PTPRG: variants seen among roughly 807,000 people sequenced by gnomAD.
PTPRG encodes the protein protein tyrosine phosphatase receptor type G.
PTPRG carries 102 observed loss-of-function variants against 165.3 expected under a neutral mutation model. The observed-to-expected ratio is 0.62, with a 90% CI of 0.53 to 0.73. PTPRG has a LOEUF of 0.73. Among genes scored for constraint, PTPRG ranks in the 30% least tolerant of loss-of-function variants. PTPRG has a pLI of 0.00. For missense variants in PTPRG, 1,866 were observed against 1,861.4 expected (o/e 1.00, Z -0.05); for synonymous variants, 675 against 669.5 (o/e 1.01, Z -0.13).
intron 2 of PTPRG, among the ~76,000 whole-genome samples, chr3:61,820,733 G>A (rs2035929649): frequency 6.6e-6 from 1 of 151,352 alleles, no homozygotes; most frequent in Admixed American, 6.6e-5. Context: ...GCGCCTGGCT[G>A]CTGGGGATTG....
intron 5 of PTPRG, among the ~76,000 whole-genome samples, chr3:62,090,175 A>G (rs1701881463): frequency 6.6e-6 from 1 of 152,190 alleles, no homozygotes; most frequent in Non-Finnish European, 1.5e-5. Flanking sequence ...TGGATAATTC[A>G]CTTCCAGGGA....
At chr3:61,746,346 A>G (rs1005470355) in intron 1 of PTPRG, among the ~76,000 whole-genome samples, 1 of 150,878 alleles carries the variant, frequency 6.6e-6, no homozygotes, top group Non-Finnish European at 1.5e-5. Flanking sequence ...AGCTGGGGCT[A>G]CAGGTGCCGC....
chr3:62,080,967 A>G (rs553332030), intron 5 of PTPRG, among the ~76,000 whole-genome samples: 4 of 152,310 alleles, frequency 2.6e-5, no homozygotes, highest in African/African-American at 9.6e-5. Context: ...AAAATAGAAC[A>G]TAATTAGAGG....
intron 1 of PTPRG, among the ~76,000 whole-genome samples, chr3:61,669,247 C>G (rs1301850733): frequency 2.0e-5 from 3 of 151,912 alleles, no homozygotes; most frequent in Admixed American, 1.3e-4. Flanking sequence ...GGCCTCATTT[C>G]CAGTGGGGTT....
At chr3:61,775,694 T>C (rs1211834067) in intron 2 of PTPRG, among the ~76,000 whole-genome samples, 2 of 151,962 alleles carry the variant, frequency 1.3e-5, no homozygotes, top group African/African-American at 4.8e-5. Context: ...CCAACAATGA[T>C]AGACTGGATT....
At chr3:61,933,957 A>G (rs1252641202) in intron 2 of PTPRG, among the ~76,000 whole-genome samples, 2 of 152,206 alleles carry the variant, frequency 1.3e-5, no homozygotes, top group East Asian at 1.9e-4. Flanking sequence ...TCCTCTCTGC[A>G]AGTGAGCCAC....
chr3:61,968,140 A>G (rs1313915669), intron 2 of PTPRG, among the ~76,000 whole-genome samples: 2 of 152,244 alleles, frequency 1.3e-5, no homozygotes, highest in East Asian at 3.8e-4. Context: ...CATTTTGGCC[A>G]TAAACAAGTA....
At chr3:61,794,658 C>G (rs1166366283) in intron 2 of PTPRG, among the ~76,000 whole-genome samples, 1 of 152,168 alleles carries the variant, frequency 6.6e-6, no homozygotes, top group Non-Finnish European at 1.5e-5. Flanking sequence ...AAACATGGAA[C>G]ATTCCCTTAT....
intron 17 of PTPRG, among the ~76,000 whole-genome samples, chr3:62,266,956 A>G (rs1183751504): frequency 6.6e-6 from 1 of 151,526 alleles, no homozygotes; most frequent in African/African-American, 2.4e-5. Context: ...GGTTTCCTCA[A>G]TTCCTTAGGT....
At chr3:61,854,357 C>T (rs1288516620) in intron 2 of PTPRG, among the ~76,000 whole-genome samples, 1 of 152,120 alleles carries the variant, frequency 6.6e-6, no homozygotes, top group African/African-American at 2.4e-5. Flanking sequence ...GGTCTGATTT[C>T]ACCTATTCTC....
chr3:61,687,046 T>C (rs952704013), intron 1 of PTPRG, among the ~76,000 whole-genome samples: 3 of 152,110 alleles, frequency 2.0e-5, no homozygotes, highest in Non-Finnish European at 4.4e-5. Flanking sequence ...CAACCAAAAA[T>C]GCATCAACCG....
chr3:61,852,624 A>G (rs1362360144), intron 2 of PTPRG, among the ~76,000 whole-genome samples: 1 of 152,204 alleles, frequency 6.6e-6, no homozygotes. Context: ...AGTTAAATTG[A>G]TGAGTCTTTG....
chr3:61,657,547 G>A lies in PTPRG; in HGVS notation c.86-91331G>A, dbSNP rs1054567307. 2.0e-5 allele frequency among the ~76,000 whole-genome samples: 3 copies of A among 152,212 alleles called. 1 individual carries two copies. The highest frequency in any genetic ancestry group is 2.0e-4 in the Admixed American group (3 of 15,278). ...CCCACTACTCAGGAGGCTGAGGAGG[G>A]AGGATCAGTTGAACCCAGGAGGTGT... On this transcript the variant is annotated intron_variant, in intron 1 of 29. Coordinates refer to ENST00000474889, the MANE Select transcript of PTPRG (RefSeq NM_002841.4).
At chr3:61,566,916 C>T (rs1699927829) in intron 1 of PTPRG, among the ~76,000 whole-genome samples, 1 of 152,154 alleles carries the variant, frequency 6.6e-6, no homozygotes, top group South Asian at 2.1e-4. Flanking sequence ...TTGCAATATG[C>T]GTACATTCTG....
At chr3:61,738,195 G>C (rs866610527) in intron 1 of PTPRG, among the ~76,000 whole-genome samples, 4 of 147,660 alleles carry the variant, frequency 2.7e-5, no homozygotes, top group African/African-American at 9.9e-5. Flanking sequence ...ACCGCGCCCG[G>C]CCTATGCTGA....
chr3:61,752,028 G>T (rs973984275), intron 2 of PTPRG, among the ~76,000 whole-genome samples: 3 of 151,916 alleles, frequency 2.0e-5, no homozygotes, highest in African/African-American at 7.3e-5. Flanking sequence ...CATAGTCTCT[G>T]GCGTAAAGTA....
chr3:61,568,569 A>G (rs1490062021), intron 1 of PTPRG, among the ~76,000 whole-genome samples: 3 of 152,200 alleles, frequency 2.0e-5, no homozygotes, highest in African/African-American at 7.2e-5. Flanking sequence ...GGATCTATGC[A>G]GGCCTAAGGT....
chr3:61,881,289 T>C (rs1051221236), intron 2 of PTPRG, among the ~76,000 whole-genome samples: 1 of 152,204 alleles, frequency 6.6e-6, no homozygotes, highest in Non-Finnish European at 1.5e-5. Flanking sequence ...TACTATTGGT[T>C]ACTACTGCAT....
chr3:61,702,209 C>T (rs1158068477), intron 1 of PTPRG, among the ~76,000 whole-genome samples: 1 of 152,008 alleles, frequency 6.6e-6, no homozygotes, highest in African/African-American at 2.4e-5. Context: ...GAACTGCTGG[C>T]CTCAAGTGAT....
Sources: gnomAD v4.1 joint callset for allele counts (sites outside exome capture counted in the v4.1 genomes callset) on GRCh38, gnomAD v4.1.1 for gene constraint, MANE v1.5 for transcripts, NCBI Gene and HGNC (gene_info 2026-07-23, HGNC 2026-07-21) for gene names.